The following ANKRD28 variants were observed in gnomAD, a reference collection of about 807,000 sequenced individuals.
ANKRD28 encodes serine/threonine-protein phosphatase 6 regulatory ankyrin repeat subunit A.
A neutral mutation model predicts 126.5 loss-of-function variants in ANKRD28; 44 were observed. The observed-to-expected ratio is 0.35, with a 90% CI of 0.27 to 0.45. ANKRD28 has a LOEUF of 0.45. ANKRD28 is among the 20% of genes least tolerant of loss of function. The pLI is 1.00. For synonymous variants in ANKRD28, 442 were observed against 468.5 expected, an observed-to-expected ratio of 0.94 and a Z score of 0.73; for missense variants, 1,110 against 1,316.6, an observed-to-expected ratio of 0.84 and a Z score of 2.43.
chr3:15,851,867 A>C (rs1439856234), intron 1 of ANKRD28, among the ~76,000 whole-genome samples: 2 of 152,258 alleles, frequency 1.3e-5, no homozygotes, highest in Non-Finnish European at 2.9e-5. Flanking sequence ...CAAAAAATGT[A>C]AACACAAATG....
chr3:15,727,359 C>T (rs2074244441), intron 6 of ANKRD28, among the ~76,000 whole-genome samples: 1 of 151,680 alleles, frequency 6.6e-6, no homozygotes, highest in Non-Finnish European at 1.5e-5. Context: ...CTGAGGTCAG[C>T]AGTTCGAGAC....
chr3:15,742,978 T>A (rs972769567), intron 4 of ANKRD28, among the ~76,000 whole-genome samples: 2 of 151,870 alleles, frequency 1.3e-5, no homozygotes, highest in South Asian at 4.2e-4. Context: ...ATGGTTGCCA[T>A]GTCTGTGTAG....
intron 8 of ANKRD28, among the ~76,000 whole-genome samples, chr3:15,718,466 A>C (rs1297360778): frequency 6.6e-6 from 1 of 152,174 alleles, no homozygotes; most frequent in East Asian, 1.9e-4. Context: ...TGAGCATTTT[A>C]CTCTAAGTGG....
intron 2 of ANKRD28, among the ~76,000 whole-genome samples, chr3:15,777,903 C>CACACACACACACACA (rs1553631647): frequency 1.4e-4 from 21 of 148,982 alleles, no homozygotes; most frequent in South Asian, 2.1e-4. Flanking sequence ...CACACACACA[C>CACACACACACACACA]CCTCTCCGCC....
chr3:15,811,274 C>G (rs1323865998), intron 1 of ANKRD28, among the ~76,000 whole-genome samples: 3 of 152,064 alleles, frequency 2.0e-5, no homozygotes, highest in Non-Finnish European at 4.4e-5. Context: ...TAATCTGTTA[C>G]AATCACAAAT....
At chr3:15,709,843 G>A (rs2071982120) in intron 12 of ANKRD28, 107 bp from the exon 13 acceptor site, 2 of 627,258 alleles carry the variant, frequency 3.2e-6, no homozygotes, top group South Asian at 2.5e-5. Context: ...AGATAAATGT[G>A]ACAAAAATGA....
At chr3:15,736,050 G>A (rs895527427) in intron 5 of ANKRD28, among the ~76,000 whole-genome samples, 6 of 152,190 alleles carry the variant, frequency 3.9e-5, no homozygotes, top group African/African-American at 1.4e-4. Context: ...AACTGCAGTA[G>A]AGGCAAGGAT....
At chr3:15,792,326 A>T (rs1026650025) in intron 2 of ANKRD28, among the ~76,000 whole-genome samples, 1 of 152,218 alleles carries the variant, frequency 6.6e-6, no homozygotes, top group African/African-American at 2.4e-5. Flanking sequence ...CTAAGTGTCC[A>T]TCAACAGATG....
At chr3:15,821,875 C>T (rs1283614747) in intron 1 of ANKRD28, among the ~76,000 whole-genome samples, 1 of 152,222 alleles carries the variant, frequency 6.6e-6, no homozygotes, top group African/African-American at 2.4e-5. Context: ...GGGTCAAGGG[C>T]TTGTCTTTGT....
At chr3:15,852,036 C>T (rs550533079) in intron 1 of ANKRD28, among the ~76,000 whole-genome samples, 3 of 152,230 alleles carry the variant, frequency 2.0e-5, no homozygotes, top group East Asian at 3.9e-4. Flanking sequence ...GAATAGTAGT[C>T]GTCAAGAAGC....
chr3:15,723,584 A>C (rs967354519), intron 7 of ANKRD28, among the ~76,000 whole-genome samples: 10 of 152,026 alleles, frequency 6.6e-5, no homozygotes, highest in Admixed American at 2.0e-4. Flanking sequence ...CTTGAGGTCA[A>C]GAGTTAGACA....
chr3:15,750,592 T>C (rs527517998), intron 4 of ANKRD28, among the ~76,000 whole-genome samples: 1 of 152,346 alleles, frequency 6.6e-6, no homozygotes, highest in East Asian at 1.9e-4. Context: ...CTACAGCTAA[T>C]AGATTGCCTC....
At position 15,705,157 on chromosome 3, in the gene ANKRD28, A is replaced by C. The variant is rs549952992; in HGVS notation, c.1547+2767T>G. Among the ~76,000 whole-genome samples the C allele has an allele frequency of 2.2e-4, 33 of 152,298 alleles. No homozygotes were observed. In the South Asian group the frequency reaches 6.9e-3, roughly 32 times the overall value. ...TGTTTAGTGTACATACTGAGGATTA[A>C]ATATTTAAATAATAAAAGTCATTGC... On this transcript the variant is annotated intron_variant, in intron 14 of 27. Coordinates refer to ENST00000683139, the MANE Select transcript of ANKRD28 (RefSeq NM_001349278.2).
At position 15,846,872 on chromosome 3, in the gene ANKRD28, T is replaced by C. The variant is rs1575815422; in HGVS notation, c.27+12505A>G. ...ACAATCTTTCAAGGGAGGTTTCTAT[T>C]TGCCAGGACTAAAGTAACACTCAAC... On this transcript the variant is annotated intron_variant, in intron 1 of 27. Coordinates refer to the ANKRD28 transcript ENST00000399451. This position sits in a 1 kb window ranked among gnomAD's most constrained non-coding sequence, Gnocchi z 5.4. Among the ~76,000 whole-genome samples the C allele has an allele frequency of 6.6e-6, 1 of 152,170 alleles. No individual in the cohort carries two copies. Among genetic ancestry groups the C allele is most frequent in the South Asian group, 2.1e-4 (1 of 4,828 alleles).
At chr3:15,704,555 AT>A (rs1197405834) in intron 14 of ANKRD28, among the ~76,000 whole-genome samples, 2 of 152,180 alleles carry the variant, frequency 1.3e-5, no homozygotes, top group Non-Finnish European at 2.9e-5. Context: ...AATAATAGCA[AT>A]TGGAAGCTCT....
At chr3:15,791,233 C>T (rs923114119) in intron 2 of ANKRD28, among the ~76,000 whole-genome samples, 2 of 152,002 alleles carry the variant, frequency 1.3e-5, no homozygotes, top group Non-Finnish European at 2.9e-5. Flanking sequence ...AATCAAAATA[C>T]CAATGGAATT....
chr3:15,802,179 G>A (rs2060476777), upstream of ANKRD28, among the ~76,000 whole-genome samples: 1 of 152,124 alleles, frequency 6.6e-6, no homozygotes, highest in South Asian at 2.1e-4. Context: ...GGTGTTGTGT[G>A]CCTTTCAGAA....
At chr3:15,761,984 G>A (rs781414785) in intron 3 of ANKRD28, among the ~76,000 whole-genome samples, 3 of 151,762 alleles carry the variant, frequency 2.0e-5, no homozygotes, top group Non-Finnish European at 4.4e-5. Flanking sequence ...TCAGGAGTTC[G>A]AGACCAGCCT....
chr3:15,776,452 A>G (rs554794722), intron 2 of ANKRD28, among the ~76,000 whole-genome samples: 2 of 152,380 alleles, frequency 1.3e-5, no homozygotes, highest in South Asian at 4.1e-4. Context: ...ACAAAATAGC[A>G]TTGCACAAAA....
Sources: allele counts gnomAD v4.1 joint callset (sites outside exome capture counted in the v4.1 genomes callset), GRCh38; gene constraint gnomAD v4.1.1; non-coding constraint Gnocchi (gnomAD v3.1); transcripts MANE v1.5; gene names NCBI Gene and HGNC (gene_info 2026-07-23, HGNC 2026-07-21).